Variants in CSMD1 observed in about 807,000 individuals in gnomAD.
CSMD1 encodes the protein CUB and sushi domain-containing protein 1.
Under a neutral mutation model 417.5 loss-of-function variants are expected in CSMD1, and 213 were observed. That is an observed-to-expected ratio of 0.51 (90% CI 0.46 to 0.57). The LOEUF (loss-of-function observed/expected upper bound fraction) is 0.57. Among genes scored for constraint, CSMD1 ranks in the 20% least tolerant of loss-of-function variants. The probability of loss-of-function intolerance (pLI) is 0.00; values close to 1 mark genes in which losing one functional copy is unlikely to be tolerated. For synonymous variants in CSMD1, 2,862 were observed against 1,736.8 expected, an observed-to-expected ratio of 1.65 and a Z score of -16.11; for missense variants, 6,923 against 4,529.7, an observed-to-expected ratio of 1.53 and a Z score of -15.17.
intron 5 of CSMD1, among the ~76,000 whole-genome samples, chr8:3,929,874 C>A (rs1044443565): frequency 6.7e-6 from 1 of 150,050 alleles, no homozygotes; most frequent in Non-Finnish European, 1.5e-5. Context: ...ATTGGTCCCG[C>A]TCATCTCCAA....
At chr8:4,726,133 G>A (rs1469705367) in intron 1 of CSMD1, among the ~76,000 whole-genome samples, 1 of 152,084 alleles carries the variant, frequency 6.6e-6, no homozygotes, top group Non-Finnish European at 1.5e-5. Context: ...GACGTCATCT[G>A]GGCGAGCCAT....
At chr8:3,306,939 AT>A in intron 25 of CSMD1, among the ~76,000 whole-genome samples, 1 of 151,998 alleles carries the variant, frequency 6.6e-6, no homozygotes, top group Non-Finnish European at 1.5e-5. Context: ...TTTTGTTTAA[AT>A]GTTCACATCA....
At chr8:3,162,885 A>C (rs2129040638) in intron 37 of CSMD1, among the ~76,000 whole-genome samples, 1 of 152,312 alleles carries the variant, frequency 6.6e-6, no homozygotes, top group Non-Finnish European at 1.5e-5. Flanking sequence ...GCATTCAGTT[A>C]AGACACTCAC....
At chr8:4,836,314 C>G (rs1053805583) in intron 1 of CSMD1, among the ~76,000 whole-genome samples, 1 of 152,158 alleles carries the variant, frequency 6.6e-6, no homozygotes, top group African/African-American at 2.4e-5. Flanking sequence ...AATTAACACA[C>G]TTTAGCAGTG....
chr8:3,104,744 G>A (rs1294403179), intron 46 of CSMD1, among the ~76,000 whole-genome samples: 4 of 135,442 alleles, frequency 3.0e-5, no homozygotes, highest in African/African-American at 1.1e-4. Context: ...GTTTTGCTGT[G>A]TCTCCCAGGC....
chr8:3,096,618 T>A (rs751466584), intron 47 of CSMD1, among the ~76,000 whole-genome samples: 1 of 152,178 alleles, frequency 6.6e-6, no homozygotes, highest in Non-Finnish European at 1.5e-5. Context: ...TCTGTCTTTA[T>A]CAGCAGCATG....
intron 1 of CSMD1, among the ~76,000 whole-genome samples, chr8:4,951,005 A>T (rs910125121): frequency 6.6e-6 from 1 of 152,154 alleles, no homozygotes; most frequent in African/African-American, 2.4e-5. Flanking sequence ...AACAAAAAAA[A>T]TTAATAGAGA....
intron 20 of CSMD1, 23 bp from the exon 21 acceptor site, chr8:3,359,363 A>G: frequency 6.3e-7 from 1 of 1,591,862 alleles, no homozygotes; most frequent in Non-Finnish European, 8.6e-7. Context: ...GAGACAGAGT[A>G]AATGCATGAG....
intron 2 of CSMD1, among the ~76,000 whole-genome samples, chr8:4,595,202 G>C (rs942797472): frequency 5.3e-5 from 8 of 151,844 alleles, no homozygotes; most frequent in Non-Finnish European, 7.4e-5. Context: ...CTAAAATGTA[G>C]ACACGTAGGA....
intron 49 of CSMD1, among the ~76,000 whole-genome samples, chr8:3,073,177 T>A (rs1156809771): frequency 6.6e-6 from 1 of 152,198 alleles, no homozygotes; most frequent in Non-Finnish European, 1.5e-5. Context: ...TGAATGCATT[T>A]GATATGAAAA....
At chr8:3,945,911 C>T (rs1271003625) in intron 5 of CSMD1, among the ~76,000 whole-genome samples, 4 of 152,120 alleles carry the variant, frequency 2.6e-5, no homozygotes, top group Non-Finnish European at 2.9e-5. Flanking sequence ...TCACTCAAGA[C>T]GTGGCTCCAA....
intron 5 of CSMD1, among the ~76,000 whole-genome samples, chr8:3,955,112 T>C (rs983546664): frequency 1.3e-5 from 2 of 152,102 alleles, no homozygotes; most frequent in African/African-American, 4.8e-5. Flanking sequence ...AGCCGTCTCC[T>C]GCCCCCCTCA....
Position 4,850,897 on chromosome 8 carries a change from G to C in CSMD1, c.85+143435C>G, listed in dbSNP as rs188816234. On this transcript the variant is annotated intron_variant, in intron 1 of 69. Coordinates refer to ENST00000635120, the MANE Select transcript of CSMD1 (RefSeq NM_033225.6). The stretch of plus-strand genomic sequence containing the variant: ...CATGAACCTTTATGCATTGAAGATT[G>C]TTTCCCTTGCCCCCCCACTTTTTGT... Among the ~76,000 whole-genome samples the C allele has an allele frequency of 5.7e-4, 86 of 149,896 alleles. 1 individual carries two copies. The East Asian group carries it at 0.015, about 27-fold the overall frequency.
chr8:3,774,953 G>A (rs1331423717), intron 5 of CSMD1, among the ~76,000 whole-genome samples: 2 of 151,984 alleles, frequency 1.3e-5, no homozygotes, highest in Non-Finnish European at 2.9e-5. Context: ...CGGGAAACAG[G>A]TAGCATATAC....
At chr8:4,191,671 G>A (rs746332776) in intron 3 of CSMD1, among the ~76,000 whole-genome samples, 53 of 147,236 alleles carry the variant, frequency 3.6e-4, no homozygotes, top group Non-Finnish European at 7.4e-5. Context: ...AAATTCATCA[G>A]ATTGATTTCA....
chr8:3,673,553 G>A (rs569563484), intron 7 of CSMD1, among the ~76,000 whole-genome samples: 2 of 152,120 alleles, frequency 1.3e-5, no homozygotes, highest in Non-Finnish European at 2.9e-5. Context: ...ATTTCACAAA[G>A]AGCCTACCCT....
At chr8:2,940,931 C>T (rs1176487749) in intron 69 of CSMD1, among the ~76,000 whole-genome samples, 4 of 152,084 alleles carry the variant, frequency 2.6e-5, no homozygotes, top group East Asian at 3.9e-4. Flanking sequence ...CAGAGGAACC[C>T]GTGAAAGAAG....
At chr8:4,252,627 T>A (rs904574356) in intron 3 of CSMD1, among the ~76,000 whole-genome samples, 3 of 152,162 alleles carry the variant, frequency 2.0e-5, no homozygotes, top group Non-Finnish European at 4.4e-5. Flanking sequence ...CCAAATATAG[T>A]CTCCAGAAGT....
intron 3 of CSMD1, among the ~76,000 whole-genome samples, chr8:4,036,446 T>G (rs1286635219): frequency 6.6e-6 from 1 of 152,202 alleles, no homozygotes; most frequent in African/African-American, 2.4e-5. Context: ...TTAATGAATA[T>G]GAGTCTCCCC....
Sources: allele counts gnomAD v4.1 joint callset (sites outside exome capture counted in the v4.1 genomes callset), GRCh38; gene constraint gnomAD v4.1.1; transcripts MANE v1.5; gene names NCBI Gene and HGNC (gene_info 2026-07-23, HGNC 2026-07-21).